CDC14A: variants seen among roughly 807,000 people sequenced by gnomAD.
CDC14A encodes the protein cell division cycle 14A, also known as dual specificity protein phosphatase CDC14A.
A neutral mutation model predicts 74.4 loss-of-function variants in CDC14A; 53 were observed. The ratio of observed to expected loss-of-function variants is 0.71; its 90% CI spans 0.57 to 0.89. The LOEUF is 0.89. CDC14A is among the 40% of genes least tolerant of loss of function. CDC14A has a pLI of 0.00. For synonymous variants in CDC14A, 247 were observed against 258.4 expected, an observed-to-expected ratio of 0.96 and a Z score of 0.43; for missense variants, 646 against 713.7, an observed-to-expected ratio of 0.91 and a Z score of 1.08.
At chr1:100,490,191 A>T (rs1670474504) in intron 11 of CDC14A, among the ~76,000 whole-genome samples, 1 of 152,204 alleles carries the variant, frequency 6.6e-6, no homozygotes, top group East Asian at 1.9e-4. Flanking sequence ...CCTAATAAAT[A>T]TAAGGCTTAT....
At chr1:100,462,501 A>G in intron 8 of CDC14A, 150 bp from the exon 9 acceptor site, 1 of 630,806 alleles carries the variant, frequency 1.6e-6, no homozygotes, top group Non-Finnish European at 2.8e-6. Flanking sequence ...TGATGCTTGT[A>G]GGAGCTTGCT....
At chr1:100,442,504 T>C (rs1665067256) in intron 6 of CDC14A, among the ~76,000 whole-genome samples, 1 of 150,736 alleles carries the variant, frequency 6.6e-6, no homozygotes, top group Admixed American at 6.6e-5. Flanking sequence ...GCTAAATATC[T>C]CCCTATGATA....
At chr1:100,468,854 G>A (rs1488512630) in intron 10 of CDC14A, among the ~76,000 whole-genome samples, 4 of 152,044 alleles carry the variant, frequency 2.6e-5, no homozygotes, top group African/African-American at 7.2e-5. Flanking sequence ...CTATCTATTA[G>A]TGATATCTTT....
At chr1:100,380,069 A>G (rs75449431) in intron 3 of CDC14A, among the ~76,000 whole-genome samples, 162 of 152,322 alleles carry the variant, frequency 1.1e-3, no homozygotes, top group African/African-American at 3.8e-3. Context: ...TACATTTTAA[A>G]GTCCTATACA....
At chr1:100,433,757 T>C (rs1663998435) in intron 5 of CDC14A, among the ~76,000 whole-genome samples, 1 of 152,224 alleles carries the variant, frequency 6.6e-6, no homozygotes, top group South Asian at 2.1e-4. Context: ...ATAAGGTTGC[T>C]TCATTCTGAG....
At chr1:100,491,542 CTCTCTCTATATA>C (rs1247244209) in intron 11 of CDC14A, among the ~76,000 whole-genome samples, 37 of 40,954 alleles carry the variant, frequency 9.0e-4, no homozygotes, top group African/African-American at 2.8e-3. Context: ...CTCTCTCTCT[CTCTCTCTATATA>C]TATATATATA....
intron 11 of CDC14A, chr1:100,484,948 A>G: frequency 1.0e-6 from 1 of 972,216 alleles, no homozygotes; most frequent in Non-Finnish European, 1.2e-6. Context: ...ATTAATATTC[A>G]TAACTACCTG....
chr1:100,513,514 C>G (rs1182967671), intron 15 of CDC14A, among the ~76,000 whole-genome samples: 1 of 152,112 alleles, frequency 6.6e-6, no homozygotes, highest in South Asian at 2.1e-4. Flanking sequence ...TGCTAACATT[C>G]CAGGCCATTG....
At position 100,508,408 on chromosome 1, in the gene CDC14A, C is replaced by T. The variant is rs1470738411; in HGVS notation, c.1755+9146C>T. On this transcript the variant is annotated intron_variant, in intron 15 of 15. Coordinates refer to ENST00000336454, the MANE Select transcript of CDC14A (RefSeq NM_003672.4). This position sits in a 1 kb window ranked among gnomAD's most constrained non-coding sequence, Gnocchi z 4.4. ...GAGTTTGCCTTGTGGTTGCATACTT[C>T]GTCAGTTCTCATAATGTTCATTTGC... 1.3e-5 allele frequency among the ~76,000 whole-genome samples: 2 copies of T among 151,954 alleles called. No individual in the cohort carries two copies. The highest frequency in any genetic ancestry group is 2.1e-4 in the South Asian group (1 of 4,806).
At chr1:100,505,872 C>T (rs973204689) in intron 15 of CDC14A, among the ~76,000 whole-genome samples, 7 of 152,110 alleles carry the variant, frequency 4.6e-5, no homozygotes, top group South Asian at 2.1e-4. Context: ...CTTGGCTTTG[C>T]GTGAGTCCTC....
chr1:100,378,360 A>G (rs1488834507), intron 3 of CDC14A, among the ~76,000 whole-genome samples: 1 of 152,172 alleles, frequency 6.6e-6, no homozygotes, highest in Non-Finnish European at 1.5e-5. Context: ...GAAGATCTTT[A>G]CTATTTCAGT....
chr1:100,481,510 G>A lies in CDC14A; in HGVS notation c.978-2782G>A, dbSNP rs544558786. Among the ~76,000 whole-genome samples the A allele has an allele frequency of 1.2e-4, 19 of 152,270 alleles. No individual in the cohort carries two copies. The South Asian group carries it at 3.9e-3, about 32-fold the overall frequency. ...TTTCATTAGAGGAATATTAAAAGCA[G>A]ATGTAAAAAAAGACCTGTGAAGGCT... On this transcript the variant is annotated intron_variant, in intron 10 of 15. Transcript: ENST00000336454.
Position 100,352,986 on chromosome 1 carries a change from C to T in CDC14A, c.32C>T (p.Ala11Val). 1 of 1,614,116 alleles carries T rather than the reference C, an allele frequency of 6.2e-7. No homozygotes were observed. The highest frequency in any genetic ancestry group is 8.5e-7 in the Non-Finnish European group (1 of 1,180,018). The change falls in exon 1 of 16, where the codon GCT becomes GTT. Residue 11 changes from alanine (A) to valine (V), a missense_variant. By Grantham distance (64) the Ala-to-Val change is moderately conservative. Coordinates refer to ENST00000336454, the MANE Select transcript of CDC14A (RefSeq NM_003672.4). MAAESGELIGACEFMKDRLYF... is the reference protein window; with the variant it reads MAAESGELIGVCEFMKDRLYF... ...GCGGAGTCAGGGGAACTAATCGGGG[C>T]TTGTGAGTTCATGAAAGGTGAGGAG...
At chr1:100,433,489 A>C (rs1054766983) in intron 5 of CDC14A, among the ~76,000 whole-genome samples, 2 of 152,098 alleles carry the variant, frequency 1.3e-5, no homozygotes, top group Non-Finnish European at 2.9e-5. Context: ...ATACCTCCTA[A>C]CTACTTGTTA....
At chr1:100,374,100 C>A (rs1023036788) in intron 2 of CDC14A, among the ~76,000 whole-genome samples, 49 of 152,188 alleles carry the variant, frequency 3.2e-4, no homozygotes, top group Non-Finnish European at 6.8e-4. Flanking sequence ...TGATGATTTC[C>A]AATTTCATCC....
intron 2 of CDC14A, among the ~76,000 whole-genome samples, chr1:100,368,617 G>T (rs556013762): frequency 2.6e-5 from 4 of 152,216 alleles, no homozygotes; most frequent in Non-Finnish European, 5.9e-5. Context: ...TAGATTCAGG[G>T]GTATATGTGC....
At chr1:100,415,204 G>A (rs1038747962) in intron 4 of CDC14A, among the ~76,000 whole-genome samples, 2 of 152,090 alleles carry the variant, frequency 1.3e-5, no homozygotes, top group African/African-American at 4.8e-5. Flanking sequence ...AGCTCCCACT[G>A]GTTTCACTCT....
chr1:100,513,485 G>T (rs913617835), intron 15 of CDC14A, among the ~76,000 whole-genome samples: 1 of 152,078 alleles, frequency 6.6e-6, no homozygotes, highest in African/African-American at 2.4e-5. Flanking sequence ...TTTGAATCAG[G>T]ATTTTGACCT....
intron 14 of CDC14A, among the ~76,000 whole-genome samples, chr1:100,498,506 G>A (rs192165009): frequency 5.3e-5 from 8 of 152,332 alleles, no homozygotes; most frequent in East Asian, 1.9e-4. Flanking sequence ...CAGCTGACAC[G>A]TATAGGCAAG....
Sources: allele counts gnomAD v4.1 joint callset (sites outside exome capture counted in the v4.1 genomes callset), GRCh38; gene constraint gnomAD v4.1.1; non-coding constraint Gnocchi (gnomAD v3.1); transcripts MANE v1.5; gene names NCBI Gene and HGNC (gene_info 2026-07-23, HGNC 2026-07-21).